Variants in ADGRB3 observed in about 807,000 individuals in gnomAD.
ADGRB3 encodes the protein adhesion G protein-coupled receptor B3, also known as brain-specific angiogenesis inhibitor 3.
In ADGRB3, 37 loss-of-function variants were observed where a neutral mutation model predicts 193.4. The ratio of observed to expected loss-of-function variants is 0.19; its 90% CI spans 0.15 to 0.25. The LOEUF (loss-of-function observed/expected upper bound fraction) is 0.25. Among genes scored for constraint, ADGRB3 ranks in the 10% least tolerant of loss-of-function variants. The pLI is 1.00. For missense variants in ADGRB3, 1,637 were observed against 1,852.9 expected (o/e 0.88, Z 2.14); for synonymous variants, 690 against 644.2 (o/e 1.07, Z -1.08).
chr6:68,772,045 G>C (rs565613909), intron 3 of ADGRB3, among the ~76,000 whole-genome samples: 12 of 152,210 alleles, frequency 7.9e-5, no homozygotes, highest in Non-Finnish European at 1.6e-4. Context: ...TTTAACAATG[G>C]AATATTGCTT....
At position 69,256,020 on chromosome 6, in the gene ADGRB3, C is replaced by T. The variant is rs943097324; in HGVS notation, c.2814+16794C>T. Among the ~76,000 whole-genome samples the T allele has an allele frequency of 1.0e-3, 153 of 151,782 alleles. 1 individual carries two copies. The highest frequency in any genetic ancestry group is 5.2e-3 in the East Asian group (27 of 5,188). On this transcript the variant is annotated intron_variant, in intron 20 of 31. Transcript: ENST00000370598. ...CAAAGATCAGAGAGTTGTAGATATG[C>T]GGCATTATTTCTGAGGGCTCTGTTC...
intron 3 of ADGRB3, among the ~76,000 whole-genome samples, chr6:68,649,460 A>T (rs1582097083): frequency 6.6e-6 from 1 of 152,144 alleles, no homozygotes; most frequent in Admixed American, 6.6e-5. Context: ...TCTGATTGAC[A>T]TACTACTTAA....
intron 24 of ADGRB3, among the ~76,000 whole-genome samples, chr6:69,336,764 G>A (rs1464045027): frequency 6.6e-6 from 1 of 151,954 alleles, no homozygotes; most frequent in African/African-American, 2.4e-5. Flanking sequence ...CTATAATAAA[G>A]AAACAAGATC....
intron 17 of ADGRB3, among the ~76,000 whole-genome samples, chr6:69,215,066 A>G (rs978674582): frequency 2.6e-5 from 4 of 152,118 alleles, no homozygotes; most frequent in African/African-American, 7.2e-5. Context: ...ACTCTTCAAA[A>G]TTGTAAAAGT....
chr6:69,159,572 G>A (rs1370302578), intron 17 of ADGRB3, among the ~76,000 whole-genome samples: 1 of 152,090 alleles, frequency 6.6e-6, no homozygotes, highest in African/African-American at 2.4e-5. Flanking sequence ...CTGTTTGTCA[G>A]ACATATAGTA....
In ADGRB3 at chr6:69,131,989, G is replaced by A. The variant is rs184931585; in HGVS notation, c.2480+55951G>A. 3.3e-3 allele frequency among the ~76,000 whole-genome samples: 495 copies of A among 152,230 alleles called. 3 individuals carry two copies. The highest frequency in any genetic ancestry group is 4.9e-3 in the Non-Finnish European group (336 of 68,014). ...TTTTATGGCTGCATAGTATTCCATGGCGTATATGTGCCATATTTTCTTTAT... is the reference window on the plus strand; with the variant it reads ...TTTTATGGCTGCATAGTATTCCATGACGTATATGTGCCATATTTTCTTTAT... On this transcript the variant is annotated intron_variant, in intron 17 of 31. Coordinates refer to ENST00000370598, the MANE Select transcript of ADGRB3 (RefSeq NM_001704.3).
chr6:68,987,020 AT>A (rs972934781), intron 10 of ADGRB3, among the ~76,000 whole-genome samples: 2 of 152,060 alleles, frequency 1.3e-5, no homozygotes, highest in African/African-American at 4.8e-5. Context: ...AAGAGCAACT[AT>A]TTTTAGACTC....
At chr6:68,683,703 A>G (rs957116866) in intron 3 of ADGRB3, among the ~76,000 whole-genome samples, 3 of 152,136 alleles carry the variant, frequency 2.0e-5, no homozygotes, top group Non-Finnish European at 4.4e-5. Flanking sequence ...TTTTCCTGAG[A>G]TGTAGGACTA....
At chr6:68,896,022 A>G (rs1277312005) in intron 3 of ADGRB3, among the ~76,000 whole-genome samples, 1 of 152,136 alleles carries the variant, frequency 6.6e-6, no homozygotes, top group Admixed American at 6.6e-5. Context: ...AAATTTTGAT[A>G]AGAACACAAG....
intron 11 of ADGRB3, among the ~76,000 whole-genome samples, chr6:69,007,422 A>G (rs1194519670): frequency 6.6e-6 from 1 of 151,914 alleles, no homozygotes; most frequent in African/African-American, 2.4e-5. Flanking sequence ...TTCACCCTCT[A>G]TTAATATTTT....
intron 20 of ADGRB3, among the ~76,000 whole-genome samples, chr6:69,300,421 C>T (rs1242786922): frequency 6.6e-6 from 1 of 151,658 alleles, no homozygotes; most frequent in African/African-American, 2.4e-5. Flanking sequence ...CAAGTATGCC[C>T]ACTTTTACAA....
At chr6:69,212,196 C>A (rs1051775456) in intron 17 of ADGRB3, among the ~76,000 whole-genome samples, 4 of 152,114 alleles carry the variant, frequency 2.6e-5, no homozygotes, top group Non-Finnish European at 5.9e-5. Context: ...ATTTTTGTTG[C>A]TTATTTGCCT....
chr6:68,779,986 G>T (rs537992491), intron 3 of ADGRB3, among the ~76,000 whole-genome samples: 2 of 152,172 alleles, frequency 1.3e-5, no homozygotes, highest in East Asian at 3.9e-4. Context: ...TCAGCTTGAA[G>T]AATTCCATTT....
chr6:68,912,935 A>T (rs1766760444), intron 3 of ADGRB3, among the ~76,000 whole-genome samples: 1 of 152,230 alleles, frequency 6.6e-6, no homozygotes, highest in East Asian at 1.9e-4. Context: ...GGAGGGTCCT[A>T]CGCCCATGGA....
chr6:69,136,894 A>G (rs551219436), intron 17 of ADGRB3, among the ~76,000 whole-genome samples: 5 of 152,222 alleles, frequency 3.3e-5, no homozygotes, highest in African/African-American at 9.6e-5. Flanking sequence ...TACATTGAAT[A>G]CATAATATTT....
At chr6:69,072,464 A>G (rs1345308925) in intron 16 of ADGRB3, among the ~76,000 whole-genome samples, 1 of 152,198 alleles carries the variant, frequency 6.6e-6, no homozygotes, top group Non-Finnish European at 1.5e-5. Context: ...TGAAGAATAA[A>G]TCAGTTTCTT....
intron 17 of ADGRB3, among the ~76,000 whole-genome samples, chr6:69,223,813 T>A (rs1765951184): frequency 6.6e-6 from 1 of 151,728 alleles, no homozygotes. Context: ...GGCACCACCA[T>A]GCCCAGCTAA....
chr6:68,944,520 C>T (rs896684029), intron 6 of ADGRB3, among the ~76,000 whole-genome samples: 4 of 152,122 alleles, frequency 2.6e-5, no homozygotes, highest in African/African-American at 9.7e-5. Context: ...GAAGTCTATA[C>T]AGTCTGTTCT....
At chr6:69,083,497 A>T (rs1772453418) in intron 17 of ADGRB3, among the ~76,000 whole-genome samples, 1 of 152,112 alleles carries the variant, frequency 6.6e-6, no homozygotes, top group African/African-American at 2.4e-5. Flanking sequence ...TGAGACTTAG[A>T]TGTGGGAGGG....
Sources: gnomAD v4.1 joint callset for allele counts (sites outside exome capture counted in the v4.1 genomes callset) on GRCh38, gnomAD v4.1.1 for gene constraint, MANE v1.5 for transcripts, NCBI Gene and HGNC (gene_info 2026-07-23, HGNC 2026-07-21) for gene names.